The following LEPR variants were observed in gnomAD, a reference collection of about 807,000 sequenced individuals.
LEPR encodes leptin receptor.
In LEPR, 56 loss-of-function variants were observed where a neutral mutation model predicts 114.7. The ratio of observed to expected loss-of-function variants is 0.49; its 90% confidence interval spans 0.39 to 0.61. LEPR has a LOEUF of 0.61. Among genes scored for constraint, LEPR ranks in the 20% least tolerant of loss-of-function variants. LEPR has a pLI of 0.00. For missense variants in LEPR, 1,202 were observed against 1,352.9 expected (o/e 0.89, Z 1.75); for synonymous variants, 443 against 461.4 (o/e 0.96, Z 0.51).
intron 2 of LEPR, among the ~76,000 whole-genome samples, chr1:65,523,175 G>C (rs992810227): frequency 6.6e-6 from 1 of 152,220 alleles, no homozygotes; most frequent in African/African-American, 2.4e-5. Flanking sequence ...ATGGTCACTT[G>C]TGAGGTGCCA....
intron 2 of LEPR, among the ~76,000 whole-genome samples, chr1:65,522,702 C>G (rs1649694285): frequency 6.6e-6 from 1 of 152,084 alleles, no homozygotes; most frequent in Non-Finnish European, 1.5e-5. Context: ...ATTTAAGTAA[C>G]TATAATTTCA....
intron 2 of LEPR, among the ~76,000 whole-genome samples, chr1:65,499,333 G>T (rs1160268915): frequency 3.9e-5 from 6 of 151,994 alleles, no homozygotes; most frequent in African/African-American, 1.4e-4. Context: ...AGGGTGTGTG[G>T]GGTGGGTGGC....
At chr1:65,476,820 A>G (rs1647165290) in intron 2 of LEPR, among the ~76,000 whole-genome samples, 1 of 152,236 alleles carries the variant, frequency 6.6e-6, no homozygotes, top group African/African-American at 2.4e-5. Flanking sequence ...TGTTGAACTC[A>G]GCATGCCCAG....
At position 65,633,652 on chromosome 1, in the gene LEPR, A is replaced by G. The variant is rs981431293; in HGVS notation, c.2674-2539A>G. 1.2e-4 allele frequency: 115 copies of G among 986,014 alleles called. No individual in the cohort carries two copies. Among genetic ancestry groups the G allele is most frequent in the Non-Finnish European group, 1.3e-4 (109 of 830,402 alleles). 61.1% of individuals were successfully genotyped at this position (986,014 alleles called of 1,614,324 possible). On this transcript the variant is annotated intron_variant, in intron 19 of 19. Transcript: ENST00000349533. The surrounding 1 kb of genome is among the most constrained non-coding windows in gnomAD (Gnocchi z 4.1). ...TATTTAGTTTGTATTTTTATGTCCAAACTTTTCCATTTTAGATTCCTTTAT... is the reference window on the plus strand; with the variant it reads ...TATTTAGTTTGTATTTTTATGTCCAGACTTTTCCATTTTAGATTCCTTTAT...
In LEPR at chr1:65,488,185, T is replaced by TC. The variant is rs1491499931; in HGVS notation, c.-21+62807_-21+62808insC. ...CTTTCTTTCTTTCTTTCTTTCTTTC[T>TC]TTCTTTCTTTCTTTCTTTCTTTCTT... On this transcript the variant is annotated intron_variant, in intron 2 of 19. Coordinates refer to ENST00000349533, the MANE Select transcript of LEPR (RefSeq NM_002303.6). 4.9e-4 allele frequency among the ~76,000 whole-genome samples: 10 copies of TC among 20,610 alleles called. No individual in the cohort carries two copies. The East Asian group carries it at 5.5e-3, about 11-fold the overall frequency. 13.5% of individuals were successfully genotyped at this position (20,610 alleles called of 152,430 possible). A position where few individuals can be genotyped will look rare whatever the true frequency, so the allele number is the denominator to read the frequency against.
intron 2 of LEPR, among the ~76,000 whole-genome samples, chr1:65,450,076 G>A (rs917491057): frequency 2.0e-5 from 3 of 152,150 alleles, no homozygotes; most frequent in African/African-American, 4.8e-5. Context: ...TTGTGTTTCC[G>A]TTATTAAATT....
At chr1:65,484,949 C>T (rs1647411145) in intron 2 of LEPR, among the ~76,000 whole-genome samples, 1 of 152,162 alleles carries the variant, frequency 6.6e-6, no homozygotes, top group Admixed American at 6.5e-5. Context: ...GCTATCTGGT[C>T]AGTGAAAGGA....
chr1:65,590,802 T>C (rs1187609035), intron 5 of LEPR, among the ~76,000 whole-genome samples: 1 of 152,116 alleles, frequency 6.6e-6, no homozygotes, highest in Non-Finnish European at 1.5e-5. Flanking sequence ...CTTTGTGTAT[T>C]ATTTTTCTGT....
At chr1:65,572,214 C>A in intron 4 of LEPR, 112 bp from the exon 5 acceptor site, 1 of 1,333,922 alleles carries the variant, frequency 7.5e-7, no homozygotes, top group South Asian at 1.6e-5. Flanking sequence ...GAAGTTGTAT[C>A]AGAACACTGG....
intron 2 of LEPR, among the ~76,000 whole-genome samples, chr1:65,526,802 G>A (rs1312322101): frequency 6.6e-6 from 1 of 151,990 alleles, no homozygotes; most frequent in Non-Finnish European, 1.5e-5. Flanking sequence ...GTATGCCCCA[G>A]AATAAAAAAG....
At chr1:65,424,689 T>C (rs1646323173) in intron 1 of LEPR, among the ~76,000 whole-genome samples, 1 of 152,232 alleles carries the variant, frequency 6.6e-6, no homozygotes, top group African/African-American at 2.4e-5. Context: ...TGTGGTGCAG[T>C]CAGATCTGGT....
intron 2 of LEPR, among the ~76,000 whole-genome samples, chr1:65,455,044 C>T (rs1273048153): frequency 2.6e-5 from 4 of 152,190 alleles, no homozygotes; most frequent in Non-Finnish European, 4.4e-5. Context: ...CATCTTCCAT[C>T]GCTGATACCC....
At chr1:65,460,367 G>GAA (rs1289167298) in intron 2 of LEPR, among the ~76,000 whole-genome samples, 1 of 152,092 alleles carries the variant, frequency 6.6e-6, no homozygotes, top group African/African-American at 2.4e-5. Context: ...CTGAGTGCTG[G>GAA]AAAGAGTGTA....
intron 2 of LEPR, among the ~76,000 whole-genome samples, chr1:65,544,010 A>G (rs557725119): frequency 2.3e-4 from 35 of 152,130 alleles, no homozygotes; most frequent in Admixed American, 5.2e-4. Context: ...AAGAAAGTCA[A>G]TGGTGGCTTG....
chr1:65,549,823 A>G (rs1049111473), intron 2 of LEPR, among the ~76,000 whole-genome samples: 2 of 152,318 alleles, frequency 1.3e-5, no homozygotes, highest in Middle Eastern at 3.4e-3. Flanking sequence ...CGTCAAAGTC[A>G]TTCTCCATCC....
At position 65,572,438 on chromosome 1, in the gene LEPR, T is replaced by C; in HGVS notation, c.483T>C (p.Leu161=). 1 of 1,596,706 alleles carries C rather than the reference T, an allele frequency of 6.3e-7. No homozygotes were observed. Among genetic ancestry groups the C allele is most frequent in the Non-Finnish European group, 8.6e-7 (1 of 1,168,484 alleles). ...LFRNYNYKVH[L]LYVLPEVLED... ...GGAATTATAACTATAAGGTCCATCT[T>C]TTATATGTTCTGTAAGTACCAAATA... The change falls in exon 5 of 20, where the codon CTT becomes CTC. Residue 161 remains leucine (L), a synonymous_variant. Coordinates refer to ENST00000349533, the MANE Select transcript of LEPR (RefSeq NM_002303.6).
At chr1:65,607,176 A>G (rs1386996288) in intron 11 of LEPR, among the ~76,000 whole-genome samples, 1 of 151,966 alleles carries the variant, frequency 6.6e-6, no homozygotes, top group African/African-American at 2.4e-5. Context: ...GGCCTTAGTT[A>G]TGGTTTGGGT....
intron 4 of LEPR, among the ~76,000 whole-genome samples, 181 bp downstream of exon 4, chr1:65,570,983 A>G (rs1341246960): frequency 6.6e-6 from 1 of 152,180 alleles, no homozygotes; most frequent in Non-Finnish European, 1.5e-5. Flanking sequence ...CTTGTATCCC[A>G]TAAAAATATA....
At chr1:65,575,594 C>T (rs1240487270) in intron 5 of LEPR, among the ~76,000 whole-genome samples, 1 of 151,208 alleles carries the variant, frequency 6.6e-6, no homozygotes, top group African/African-American at 2.5e-5. Context: ...AATGTAGATT[C>T]ATTTTTTAAA....
Sources: gnomAD v4.1 joint callset for allele counts (sites outside exome capture counted in the v4.1 genomes callset) on GRCh38, gnomAD v4.1.1 for gene constraint, Gnocchi (gnomAD v3.1) non-coding constraint, MANE v1.5 for transcripts, NCBI Gene and HGNC (gene_info 2026-07-23, HGNC 2026-07-21) for gene names.